Variants in CACNA2D3 observed in about 807,000 individuals in gnomAD.
CACNA2D3 encodes the protein calcium voltage-gated channel auxiliary subunit alpha2delta 3, also known as voltage-dependent calcium channel subunit alpha-2/delta-3.
A neutral mutation model predicts 160.6 loss-of-function variants in CACNA2D3; 60 were observed. The ratio of observed to expected loss-of-function variants is 0.37; its 90% CI spans 0.30 to 0.46. CACNA2D3 has a LOEUF of 0.46. CACNA2D3 is among the 20% of genes least tolerant of loss of function. The pLI is 1.00. For synonymous variants in CACNA2D3, 558 were observed against 492.9 expected, an observed-to-expected ratio of 1.13 and a Z score of -1.75; for missense variants, 1,205 against 1,365.0, an observed-to-expected ratio of 0.88 and a Z score of 1.85.
chr3:54,567,483 C>A (rs1027754371), intron 6 of CACNA2D3, among the ~76,000 whole-genome samples: 2 of 151,484 alleles, frequency 1.3e-5, no homozygotes, highest in Non-Finnish European at 2.9e-5. Flanking sequence ...GTAGGATAGG[C>A]AGTATCTGTT....
At chr3:54,924,819 C>T (rs748900992) in intron 27 of CACNA2D3, 2 of 1,614,014 alleles carry the variant, frequency 1.2e-6, no homozygotes, top group Non-Finnish European at 1.7e-6. Flanking sequence ...GGGAAGGTGG[C>T]TTATGTTGTT....
intron 11 of CACNA2D3, among the ~76,000 whole-genome samples, chr3:54,737,354 C>G (rs945144938): frequency 1.3e-5 from 2 of 151,856 alleles, no homozygotes; most frequent in Non-Finnish European, 2.9e-5. Flanking sequence ...GAGGAGGGGT[C>G]TTTTGGAGGT....
chr3:54,321,942 A>AAG lies in CACNA2D3; in HGVS notation c.321+1384_321+1385insAG, dbSNP rs67058049. ...CCTTGCAAAAAAAAAAAAAAAAAAA[A>AAG]CTAGTAACAGCATTGTCAATTTGAG... On this transcript the variant is annotated intron_variant, in intron 3 of 37. Transcript: ENST00000474759. 3.0e-3 allele frequency among the ~76,000 whole-genome samples: 458 copies of AAG among 151,480 alleles called. 1 individual carries two copies. Among genetic ancestry groups the AAG allele is most frequent in the Non-Finnish European group, 5.2e-3 (355 of 67,858 alleles).
At chr3:54,297,811 C>T (rs766578711) in intron 2 of CACNA2D3, among the ~76,000 whole-genome samples, 18 of 152,044 alleles carry the variant, frequency 1.2e-4, no homozygotes, top group Non-Finnish European at 2.1e-4. Context: ...CAGTGAGTCT[C>T]CCCTTACCCC....
intron 3 of CACNA2D3, among the ~76,000 whole-genome samples, chr3:54,358,468 T>C (rs58840083): frequency 0.021 from 3,261 of 152,316 alleles, 113 homozygotes; most frequent in African/African-American, 0.075. Context: ...GGCAGGCCAC[T>C]CGACGTCTCC....
chr3:54,417,854 A>G (rs1699780418), intron 4 of CACNA2D3, among the ~76,000 whole-genome samples: 1 of 151,832 alleles, frequency 6.6e-6, no homozygotes, highest in African/African-American at 2.4e-5. Flanking sequence ...TGGTGTGATC[A>G]TGGCTCACTA....
chr3:54,348,221 A>G (rs1698492884), intron 3 of CACNA2D3, among the ~76,000 whole-genome samples: 1 of 152,166 alleles, frequency 6.6e-6, no homozygotes, highest in Non-Finnish European at 1.5e-5. Context: ...AATGGATTCA[A>G]CATAGTCAAT....
At chr3:54,986,775 A>G (rs1311448961) in intron 30 of CACNA2D3, among the ~76,000 whole-genome samples, 1 of 117,680 alleles carries the variant, frequency 8.5e-6, no homozygotes, top group East Asian at 2.8e-4. Context: ...CAGAGCACCC[A>G]GAGTAGAGAT....
chr3:55,066,745 A>C (rs764611766), intron 35 of CACNA2D3, among the ~76,000 whole-genome samples: 3 of 151,778 alleles, frequency 2.0e-5, no homozygotes, highest in Non-Finnish European at 4.4e-5. Flanking sequence ...CCCTCTCCCA[A>C]CTCCCTTTCC....
At chr3:54,184,531 C>G (rs191220237) in intron 2 of CACNA2D3, among the ~76,000 whole-genome samples, 1 of 152,206 alleles carries the variant, frequency 6.6e-6, no homozygotes, top group Non-Finnish European at 1.5e-5. Flanking sequence ...GGACATTTGT[C>G]TCCCCAATCC....
chr3:54,219,772 G>A (rs1047863865), intron 2 of CACNA2D3, among the ~76,000 whole-genome samples: 2 of 152,100 alleles, frequency 1.3e-5, no homozygotes, highest in Non-Finnish European at 2.9e-5. Flanking sequence ...GTGCATTTGT[G>A]TGGTGGATTT....
chr3:54,542,880 T>C (rs1702003146), intron 5 of CACNA2D3, among the ~76,000 whole-genome samples: 1 of 152,124 alleles, frequency 6.6e-6, no homozygotes, highest in African/African-American at 2.4e-5. Context: ...AATTATTTCA[T>C]AATGAAAATT....
At chr3:54,937,610 T>G (rs76327282) in intron 27 of CACNA2D3, among the ~76,000 whole-genome samples, 2 of 152,226 alleles carry the variant, frequency 1.3e-5, no homozygotes, top group South Asian at 4.2e-4. Flanking sequence ...AGGTACATGG[T>G]TCCATAAGAG....
chr3:54,434,736 T>C (rs1365736805), intron 4 of CACNA2D3, among the ~76,000 whole-genome samples: 5 of 152,128 alleles, frequency 3.3e-5, no homozygotes, highest in Non-Finnish European at 2.9e-5. Flanking sequence ...ATTCTCAGAG[T>C]TGAGGGGATT....
At chr3:54,765,336 A>G (rs779719269) in intron 13 of CACNA2D3, among the ~76,000 whole-genome samples, 3 of 152,142 alleles carry the variant, frequency 2.0e-5, no homozygotes, top group Non-Finnish European at 4.4e-5. Flanking sequence ...CGGCCCTGGA[A>G]ATAAGAATGT....
chr3:54,544,596 C>T (rs913443634), intron 5 of CACNA2D3, among the ~76,000 whole-genome samples: 5 of 152,050 alleles, frequency 3.3e-5, no homozygotes, highest in Non-Finnish European at 5.9e-5. Flanking sequence ...GGGGGTCTCA[C>T]TATATTGCCC....
At chr3:54,539,795 T>C (rs1242667280) in intron 5 of CACNA2D3, among the ~76,000 whole-genome samples, 1 of 152,180 alleles carries the variant, frequency 6.6e-6, no homozygotes, top group Non-Finnish European at 1.5e-5. Context: ...GAAAGAAATG[T>C]GTTTAACTGG....
At chr3:54,812,399 A>C (rs1254910996) in intron 13 of CACNA2D3, among the ~76,000 whole-genome samples, 3 of 152,204 alleles carry the variant, frequency 2.0e-5, no homozygotes, top group African/African-American at 7.2e-5. Flanking sequence ...TGAGACACAG[A>C]CAACTGACCA....
intron 4 of CACNA2D3, among the ~76,000 whole-genome samples, chr3:54,474,849 A>G (rs368912557): frequency 1.1e-4 from 17 of 152,268 alleles, no homozygotes; most frequent in South Asian, 6.2e-4. Context: ...TCCCTCCACA[A>G]TGCTGAGTTT....
Sources: allele counts gnomAD v4.1 joint callset (sites outside exome capture counted in the v4.1 genomes callset), GRCh38; gene constraint gnomAD v4.1.1; transcripts MANE v1.5; gene names NCBI Gene and HGNC (gene_info 2026-07-23, HGNC 2026-07-21).